ALK: variants seen among roughly 807,000 people sequenced by gnomAD.
ALK encodes the protein ALK tyrosine kinase receptor.
A neutral mutation model predicts 163.1 loss-of-function variants in ALK; 74 were observed. The observed-to-expected ratio is 0.45, with a 90% confidence interval of 0.38 to 0.55. The LOEUF (loss-of-function observed/expected upper bound fraction) is 0.55, where lower values mean the gene tolerates loss of function less well. Among genes scored for constraint, ALK ranks in the 20% least tolerant of loss-of-function variants. The probability of loss-of-function intolerance (pLI) is 0.00; values close to 1 mark genes in which losing one functional copy is unlikely to be tolerated. For missense variants in ALK, 2,063 were observed against 2,105.3 expected (o/e 0.98, Z 0.39); for synonymous variants, 960 against 843.2 (o/e 1.14, Z -2.40).
chr2:29,391,310 G>GC (rs1553310355), intron 4 of ALK, among the ~76,000 whole-genome samples: 5 of 142,696 alleles, frequency 3.5e-5, no homozygotes, highest in Admixed American at 7.0e-5. Context: ...TTTTTTGGGG[G>GC]GGGGGTGGTG....
chr2:29,778,745 A>G (rs1681249107), intron 1 of ALK, among the ~76,000 whole-genome samples: 1 of 152,194 alleles, frequency 6.6e-6, no homozygotes, highest in Non-Finnish European at 1.5e-5. Context: ...AAACCTGAAT[A>G]GGAAATAGGA....
intron 1 of ALK, among the ~76,000 whole-genome samples, chr2:29,915,715 G>A (rs1667817238): frequency 6.6e-6 from 1 of 152,098 alleles, no homozygotes. Flanking sequence ...ACCAAATCTA[G>A]AACTGATGGC....
chr2:29,674,422 A>G (rs80294335), intron 3 of ALK, among the ~76,000 whole-genome samples: 2,261 of 149,618 alleles, frequency 0.015, 28 homozygotes, highest in Non-Finnish European at 0.023. Flanking sequence ...TTCTGCATCT[A>G]TTGAGATAAT....
chr2:29,480,859 G>A (rs1056397741), intron 4 of ALK, among the ~76,000 whole-genome samples: 6 of 147,772 alleles, frequency 4.1e-5, no homozygotes, highest in Non-Finnish European at 8.9e-5. Context: ...ATGTGCACAG[G>A]AATCTCTTAG....
intron 5 of ALK, among the ~76,000 whole-genome samples, chr2:29,383,112 G>T (rs1211100064): frequency 2.0e-5 from 3 of 151,974 alleles, no homozygotes; most frequent in Non-Finnish European, 4.4e-5. Flanking sequence ...GCTTCCTCTG[G>T]GTCCACGCTT....
intron 1 of ALK, among the ~76,000 whole-genome samples, chr2:29,840,149 A>C (rs1272816698): frequency 4.6e-5 from 7 of 152,162 alleles, no homozygotes; most frequent in African/African-American, 1.7e-4. Context: ...ACAAACAAAA[A>C]CAAACCCAGA....
At chr2:29,361,080 T>C (rs1009204956) in intron 5 of ALK, among the ~76,000 whole-genome samples, 3 of 152,208 alleles carry the variant, frequency 2.0e-5, no homozygotes, top group Admixed American at 1.3e-4. Flanking sequence ...ATCTTCCTTT[T>C]TGGGGCGTCT....
intron 4 of ALK, among the ~76,000 whole-genome samples, chr2:29,508,805 G>A (rs1317563042): frequency 4.2e-5 from 6 of 143,214 alleles, no homozygotes; most frequent in Non-Finnish European, 9.0e-5. Context: ...ATCAGAACAT[G>A]CATTTTACTA....
At chr2:29,614,909 C>A (rs1037477431) in intron 3 of ALK, among the ~76,000 whole-genome samples, 4 of 152,194 alleles carry the variant, frequency 2.6e-5, no homozygotes, top group African/African-American at 9.7e-5. Context: ...TATGGTGAAA[C>A]CTCTGTTGCA....
Position 29,377,200 on chromosome 2 carries a change from G to A in ALK, c.1282+6532C>T, listed in dbSNP as rs574522308. Among the ~76,000 whole-genome samples the A allele has an allele frequency of 6.5e-4, 99 of 152,206 alleles. 1 individual carries two copies. The highest frequency in any genetic ancestry group is 2.1e-3 in the African/African-American group (89 of 41,522). On this transcript the variant is annotated intron_variant, in intron 5 of 28. Coordinates refer to ENST00000389048, the MANE Select transcript of ALK (RefSeq NM_004304.5). ...TGGAGTTAATAGGAGAGCTGAGGCC[G>A]GGCGTGGTGGCTCACACCTGTAATC...
chr2:29,413,779 T>A (rs773943614), intron 4 of ALK, among the ~76,000 whole-genome samples: 5 of 152,092 alleles, frequency 3.3e-5, no homozygotes, highest in Admixed American at 2.6e-4. Flanking sequence ...GTGACCCACC[T>A]GCCTCAGCCT....
chr2:29,249,842 G>T (rs1168624470), intron 12 of ALK, among the ~76,000 whole-genome samples: 1 of 152,166 alleles, frequency 6.6e-6, no homozygotes, highest in African/African-American at 2.4e-5. Flanking sequence ...GGTGTCTTCC[G>T]GGATATTTAC....
chr2:29,503,212 A>G (rs6734413), intron 4 of ALK, among the ~76,000 whole-genome samples: 124,105 of 152,186 alleles, frequency 0.82, 50,797 homozygotes, highest in Non-Finnish European at 0.85. Flanking sequence ...GATAGGTAAC[A>G]AATTATGATT....
At chr2:29,543,433 G>A (rs564713428) in intron 3 of ALK, among the ~76,000 whole-genome samples, 5 of 152,166 alleles carry the variant, frequency 3.3e-5, no homozygotes, top group African/African-American at 7.2e-5. Context: ...CATTTTGCAG[G>A]TGACTGCTTC....
chr2:29,498,180 G>A (rs1378981951), intron 4 of ALK, among the ~76,000 whole-genome samples: 1 of 152,072 alleles, frequency 6.6e-6, no homozygotes, highest in Non-Finnish European at 1.5e-5. Flanking sequence ...CAGATGAGAT[G>A]GCATTTTGAC....
chr2:29,861,134 T>G (rs1666281608), intron 1 of ALK, among the ~76,000 whole-genome samples: 1 of 152,190 alleles, frequency 6.6e-6, no homozygotes, highest in Non-Finnish European at 1.5e-5. Flanking sequence ...ATTGTACCAT[T>G]GCACTCCAGC....
At chr2:29,435,582 A>C (rs1005218366) in intron 4 of ALK, among the ~76,000 whole-genome samples, 1 of 152,124 alleles carries the variant, frequency 6.6e-6, no homozygotes, top group East Asian at 1.9e-4. Context: ...ATAAAAATAC[A>C]GAAGTTTGGG....
intron 4 of ALK, among the ~76,000 whole-genome samples, chr2:29,425,642 T>A (rs891159026): frequency 3.3e-5 from 5 of 152,118 alleles, no homozygotes; most frequent in African/African-American, 1.2e-4. Context: ...AGGGTGTCAC[T>A]CTAAGAAAAG....
At chr2:29,830,600 G>A (rs12613041) in intron 1 of ALK, among the ~76,000 whole-genome samples, 68,389 of 151,026 alleles carry the variant, frequency 0.45, 16,171 homozygotes, top group East Asian at 0.75. Flanking sequence ...TGGGCATGGT[G>A]GCTCGTACCT....
Sources: gnomAD v4.1 joint callset for allele counts (sites outside exome capture counted in the v4.1 genomes callset) on GRCh38, gnomAD v4.1.1 for gene constraint, MANE v1.5 for transcripts, NCBI Gene and HGNC (gene_info 2026-07-23, HGNC 2026-07-21) for gene names.